TMEM209: variants seen among roughly 807,000 people sequenced by gnomAD.
TMEM209 encodes the protein transmembrane protein 209.
Under a neutral mutation model 76.2 loss-of-function variants are expected in TMEM209, and 65 were observed. The observed-to-expected ratio is 0.85, with a 90% CI of 0.70 to 1.05. The LOEUF (loss-of-function observed/expected upper bound fraction) is 1.05, where lower values mean the gene tolerates loss of function less well. TMEM209 is among the 50% of genes least tolerant of loss of function. The pLI, the probability that TMEM209 is intolerant of heterozygous loss-of-function variation, is 0.00. For missense variants in TMEM209, 623 were observed against 685.5 expected (o/e 0.91, Z 1.02); for synonymous variants, 239 against 237.6 (o/e 1.01, Z -0.06).
At position 130,173,807 on chromosome 7, in the gene TMEM209, T is replaced by C; in HGVS notation, c.1459+18A>G. ...TTGTGTGAAAATCTCAACACATTCT[T>C]TTAGGAGAGGTTTATACCTGGTTTA... On this transcript the variant is annotated intron_variant, in intron 12 of 14. Transcript: ENST00000397622. 3 of 1,610,438 alleles carry C rather than the reference T, an allele frequency of 1.9e-6. No homozygotes were observed. Among genetic ancestry groups the C allele is most frequent in the Non-Finnish European group, 2.5e-6 (3 of 1,176,710 alleles).
chr7:130,181,414 G>A (rs775455842), intron 9 of TMEM209, among the ~76,000 whole-genome samples: 10 of 152,080 alleles, frequency 6.6e-5, no homozygotes, highest in Non-Finnish European at 8.8e-5. Flanking sequence ...CCAAGACTTT[G>A]GACTGTACAT....
intron 5 of TMEM209, among the ~76,000 whole-genome samples, 153 bp from the exon 6 acceptor site, chr7:130,192,976 C>T (rs1438890700): frequency 6.6e-6 from 1 of 152,192 alleles, no homozygotes; most frequent in African/African-American, 2.4e-5. Context: ...AACAGAATCT[C>T]TCATTCTTTG....
In TMEM209 at chr7:130,192,776, A is replaced by G; in HGVS notation, c.621T>C (p.Val207=). Residue 207 remains valine (V), a synonymous_variant, in exon 6 of 15, where the codon GTT becomes GTC. Transcript: ENST00000397622. ...PSPPSPYPTT[V]GPVESSGLRS... The stretch of plus-strand genomic sequence containing the variant: ...TCAATCCACTGCTCTCCACTGGTCC[A>G]ACAGTGGTAGGGTACGGAGAAGGAG... 6.2e-7 allele frequency: 1 copy of G among 1,614,016 alleles called. No homozygotes were observed. The highest frequency in any genetic ancestry group is 1.1e-5 in the South Asian group (1 of 91,084).
Position 130,201,850 on chromosome 7 carries a change from CTTA to C in TMEM209, c.570_572del (p.Asn190del). ...CTAGACAAGAGAAGAGAGTCATTAC[CTTA>C]TTATAACCACTGACGGGCGAGTAGG... On this transcript the variant is annotated inframe_deletion and splice_region_variant, in exon 5 of 15. Transcript: ENST00000397622. 1 of 1,613,804 alleles carries C rather than the reference CTTA, an allele frequency of 6.2e-7. No homozygotes were observed. Among genetic ancestry groups the C allele is most frequent in the Non-Finnish European group, 8.5e-7 (1 of 1,179,830 alleles).
intron 14 of TMEM209, among the ~76,000 whole-genome samples, chr7:130,167,215 C>T (rs899603704): frequency 1.3e-5 from 2 of 152,106 alleles, no homozygotes; most frequent in Admixed American, 1.3e-4. Context: ...TTGGGGAATA[C>T]AGGGAATTGC....
At chr7:130,197,228 A>G (rs185424717) in intron 5 of TMEM209, among the ~76,000 whole-genome samples, 5 of 152,378 alleles carry the variant, frequency 3.3e-5, no homozygotes, top group Non-Finnish European at 7.3e-5. Context: ...AAAAGGTGGA[A>G]GCCATCAACA....
chr7:130,170,421 G>A lies in TMEM209; in HGVS notation c.1610C>T (p.Thr537Ile). The A allele has an allele frequency of 6.2e-7, 1 of 1,612,764 alleles. No homozygotes were observed. The highest frequency in any genetic ancestry group is 1.1e-5 in the South Asian group (1 of 90,872). The change falls in exon 14 of 15, where the codon ACC becomes ATC. Residue 537 changes from threonine (T) to isoleucine (I), a missense_variant. Thr to Ile is a moderately conservative substitution (Grantham distance 89, BLOSUM62 -1). Transcript: ENST00000397622. Reference protein sequence around the residue: ...TLLMFLYIIKTKESGMLGRVN... With the variant: ...TLLMFLYIIKIKESGMLGRVN... ...CTACCCAAGCATTCCTGACTCTTTG[G>A]TCTTTATGATGTAGAGAAACATCAA...
chr7:130,185,245 G>C lies in TMEM209; in HGVS notation c.898C>G (p.Pro300Ala), dbSNP rs960540954. Residue 300 changes from proline (P) to alanine (A), a missense_variant, in exon 7 of 15, where the codon CCA becomes GCA. Transcript: ENST00000397622. ...TCGGCTTCATCTTTGTTAGCACATG[G>C]GGCCTGAGACCTACAGGCAAGCTGA... is the stretch of plus-strand genomic sequence containing the variant. ...QYQLACRSQAPCANKDEADLS... is the reference protein window; with the variant it reads ...QYQLACRSQAACANKDEADLS... 2 of 1,613,690 alleles carry C rather than the reference G, an allele frequency of 1.2e-6. No homozygotes were observed. Among genetic ancestry groups the C allele is most frequent in the African/African-American group, 2.7e-5 (2 of 74,874 alleles).
intron 5 of TMEM209, among the ~76,000 whole-genome samples, chr7:130,194,594 A>T (rs1797908925): frequency 6.6e-6 from 1 of 152,240 alleles, no homozygotes; most frequent in African/African-American, 2.4e-5. Flanking sequence ...GTTACAATGA[A>T]GATAGCTGTA....
At chr7:130,173,483 T>C (rs1797138801) in intron 13 of TMEM209, 149 bp downstream of exon 13, 3 of 579,898 alleles carry the variant, frequency 5.2e-6, no homozygotes, top group Non-Finnish European at 8.8e-6. Flanking sequence ...CACATATTAC[T>C]TTTATAGTAA....
chr7:130,172,504 G>A (rs1322384037), intron 13 of TMEM209, among the ~76,000 whole-genome samples: 1 of 151,864 alleles, frequency 6.6e-6, no homozygotes, highest in Non-Finnish European at 1.5e-5. Flanking sequence ...TGCCATGCCC[G>A]GATAATTTTT....
Position 130,173,915 on chromosome 7 carries a change from A to G in TMEM209, c.1369T>C (p.Tyr457His). The change falls in exon 12 of 15, where the codon TAC becomes CAC. Residue 457 changes from tyrosine to histidine, a missense_variant. Coordinates refer to ENST00000397622, the MANE Select transcript of TMEM209 (RefSeq NM_032842.4). Reference protein sequence around the residue: ...SAIIMHVFCTYLDSRLPPHPK... With the variant: ...SAIIMHVFCTHLDSRLPPHPK... ...TGTGGAGGTAATCTGGAATCAAGGT[A>G]GGTGCAAAATACATGCATGATGATC... The G allele has an allele frequency of 6.2e-7, 1 of 1,613,464 alleles. No individual in the cohort carries two copies. Among genetic ancestry groups the G allele is most frequent in the South Asian group, 1.1e-5 (1 of 91,062 alleles).
rs979845925 is a variant in TMEM209, at chr7:130,205,202, T to A, written c.3+171A>T. 192 of 1,550,928 alleles carry A rather than the reference T, an allele frequency of 1.2e-4. 1 individual carries two copies. The highest frequency in any genetic ancestry group is 1.6e-5 in the Non-Finnish European group (18 of 1,152,404). On this transcript the variant is annotated intron_variant, in intron 1 of 14. Transcript: ENST00000397622. ...GTCCAGAGCTTCCCTCCCCGGCTCC[T>A]GGGCACGAACTTCAGCAACCCTATT... is the stretch of plus-strand genomic sequence containing the variant.
intron 9 of TMEM209, among the ~76,000 whole-genome samples, chr7:130,179,836 T>TCCCA (rs1277148712): frequency 1.3e-5 from 2 of 152,128 alleles, no homozygotes; most frequent in Non-Finnish European, 2.9e-5. Flanking sequence ...TGGTGGTGTG[T>TCCCA]GCCTGTAGTC....
chr7:130,175,371 G>A lies in TMEM209; in HGVS notation c.1344+141C>T. On this transcript the variant is annotated intron_variant, in intron 11 of 14. Coordinates refer to ENST00000397622, the MANE Select transcript of TMEM209 (RefSeq NM_032842.4). ...AGCTACTTGGGAGGCTGAGCTGGGA[G>A]GAGCACTTGAGCCCTGGGAGATCAA... is the stretch of plus-strand genomic sequence containing the variant. The A allele has an allele frequency of 2.9e-6, 2 of 688,922 alleles. 1 individual carries two copies. The highest frequency in any genetic ancestry group is 6.1e-4 in the Middle Eastern group (2 of 3,292). 42.7% of individuals were successfully genotyped at this position (688,922 alleles called of 1,614,324 possible). A position where few individuals can be genotyped will look rare whatever the true frequency, so the allele number is the denominator to read the frequency against.
chr7:130,197,628 TAA>T (rs1356091421), intron 5 of TMEM209, among the ~76,000 whole-genome samples: 2 of 152,202 alleles, frequency 1.3e-5, no homozygotes, highest in East Asian at 1.9e-4. Context: ...AGGATGATAT[TAA>T]GAGTGTTTTC....
At chr7:130,192,395 A>C (rs1797827197) in intron 6 of TMEM209, 1 of 497,082 alleles carries the variant, frequency 2.0e-6, no homozygotes, top group Admixed American at 3.2e-5. Context: ...TATACGAAAA[A>C]GCTTTCAATC....
chr7:130,181,733 G>T lies in TMEM209; in HGVS notation c.1024-14C>A. 1 of 1,590,356 alleles carries T rather than the reference G, an allele frequency of 6.3e-7. No homozygotes were observed. The highest frequency in any genetic ancestry group is 1.1e-5 in the South Asian group (1 of 87,582). On this transcript the variant is annotated splice_polypyrimidine_tract_variant and intron_variant, in intron 8 of 14. Coordinates refer to ENST00000397622, the MANE Select transcript of TMEM209 (RefSeq NM_032842.4). ...CTCATTGATCCACTAGAAGAAATAA[G>T]GTACAGATTTTGGATACATAATTCC...
chr7:130,185,397 G>A (rs1188996587), intron 6 of TMEM209, 30 bp from the exon 7 acceptor site: 3 of 1,595,708 alleles, frequency 1.9e-6, no homozygotes, highest in Admixed American at 1.7e-5. Context: ...CAGTATCAGT[G>A]TGTTGTAGCA....
Sources: gnomAD v4.1 joint callset for allele counts (sites outside exome capture counted in the v4.1 genomes callset) on GRCh38, gnomAD v4.1.1 for gene constraint, MANE v1.5 for transcripts, NCBI Gene and HGNC (gene_info 2026-07-23, HGNC 2026-07-21) for gene names.